SF3B6: variants seen among roughly 807,000 people sequenced by gnomAD.
SF3B6 encodes the protein SF3b 14 kDa subunit.
A neutral mutation model predicts 15.9 loss-of-function variants in SF3B6; 3 were observed. That is an observed-to-expected ratio of 0.19 (90% CI 0.09 to 0.49). The LOEUF is 0.49. Ranked by LOEUF, SF3B6 falls within the 20% of genes least tolerant of loss-of-function variation. SF3B6 has a pLI of 0.97. For missense variants in SF3B6, 71 were observed against 154.3 expected, an observed-to-expected ratio of 0.46 and a Z score of 2.86; for synonymous variants, 49 against 51.1, an observed-to-expected ratio of 0.96 and a Z score of 0.18.
intron 2 of SF3B6, among the ~76,000 whole-genome samples, chr2:24,072,662 T>C (rs912999657): frequency 6.6e-6 from 1 of 152,048 alleles, no homozygotes; most frequent in Admixed American, 6.5e-5. Context: ...TTCGTAAGAG[T>C]AGGCAAGCCA....
chr2:24,070,466 G>A (rs139884855), intron 2 of SF3B6, among the ~76,000 whole-genome samples: 4 of 152,262 alleles, frequency 2.6e-5, no homozygotes, highest in Non-Finnish European at 4.4e-5. Flanking sequence ...ACACCTAAGC[G>A]TGTAACTTAG....
At chr2:24,069,539 C>T (rs1664617274) in intron 2 of SF3B6, among the ~76,000 whole-genome samples, 3 of 152,182 alleles carry the variant, frequency 2.0e-5, no homozygotes, top group South Asian at 2.1e-4. Context: ...TGTGTTCCAA[C>T]CACCCAGTGC....
At position 24,067,855 on chromosome 2, in the gene SF3B6, G is replaced by A. The variant is rs2150976883; in HGVS notation, c.289-4C>T. The A allele has an allele frequency of 6.2e-7, 1 of 1,612,852 alleles. No homozygotes were observed. The highest frequency in any genetic ancestry group is 8.5e-7 in the Non-Finnish European group (1 of 1,179,454). On this transcript the variant is annotated splice_region_variant and splice_polypyrimidine_tract_variant and intron_variant, in intron 3 of 3. Transcript: ENST00000233468. ...TTGTGTCCATCTTCTGAAATGCCTG[G>A]AAATGTGGTAAGCACCAAAATTAAA...
At position 24,067,682 on chromosome 2, in the gene SF3B6, A is replaced by G. The variant is rs1664581396; in HGVS notation, c.*80T>C. On this transcript the variant is annotated 3_prime_UTR_variant, in exon 4 of 4. Transcript: ENST00000233468. ...TGAACCTCAAATAAGAAATCACAAT[A>G]TTTAGTATTAATTAAAAAGGAAAAA... is the stretch of plus-strand genomic sequence containing the variant. 8.9e-7 allele frequency: 1 copy of G among 1,127,400 alleles called. No individual in the cohort carries two copies. The highest frequency in any genetic ancestry group is 1.4e-5 in the South Asian group (1 of 73,978). 69.8% of individuals were successfully genotyped at this position (1,127,400 alleles called of 1,614,324 possible).
chr2:24,073,528 T>C (rs1171133914), intron 2 of SF3B6: 1 of 152,310 alleles, frequency 6.6e-6, no homozygotes, highest in East Asian at 1.9e-4. Flanking sequence ...AACCCCAATC[T>C]TTATATTAAA....
At chr2:24,068,266 T>A in intron 3 of SF3B6, 55 bp downstream of exon 3, 1 of 1,563,252 alleles carries the variant, frequency 6.4e-7, no homozygotes. Flanking sequence ...CCCGGCCAGT[T>A]CTACACTAAT....
At chr2:24,072,081 G>C (rs556495751) in intron 2 of SF3B6, among the ~76,000 whole-genome samples, 1 of 152,222 alleles carries the variant, frequency 6.6e-6, no homozygotes, top group African/African-American at 2.4e-5. Flanking sequence ...CAGCCTCCCA[G>C]GTTCAAGCGA....
chr2:24,074,042 T>C (rs750601422), intron 2 of SF3B6, 34 bp downstream of exon 2: 1 of 1,273,446 alleles, frequency 7.9e-7, no homozygotes. Context: ...CAGATTATGC[T>C]ATCATTTTCT....
intron 2 of SF3B6, among the ~76,000 whole-genome samples, chr2:24,070,529 G>A (rs368650910): frequency 1.1e-4 from 16 of 152,212 alleles, no homozygotes; most frequent in East Asian, 3.8e-4. Context: ...GCTCTATCAC[G>A]TGCCCTACCT....
rs1000389653 is a variant in SF3B6 at position 24,067,596 on chromosome 2, A to G, written c.*166T>C. On this transcript the variant is annotated 3_prime_UTR_variant, in exon 4 of 4. Transcript: ENST00000233468. ...GAAAAGACTGAGGTGTTTCACAAAAAGCTACAAGTTTATTAACATAATGTA... is the reference window on the plus strand; with the variant it reads ...GAAAAGACTGAGGTGTTTCACAAAAGGCTACAAGTTTATTAACATAATGTA... The G allele has an allele frequency of 3.5e-6, 2 of 567,290 alleles. No homozygotes were observed. Among genetic ancestry groups the G allele is most frequent in the Admixed American group, 6.9e-5 (2 of 28,834 alleles). 35.1% of individuals were successfully genotyped at this position (567,290 alleles called of 1,614,324 possible).
chr2:24,071,811 C>T (rs1330718056), intron 2 of SF3B6, among the ~76,000 whole-genome samples: 1 of 152,178 alleles, frequency 6.6e-6, no homozygotes, highest in African/African-American at 2.4e-5. Context: ...AGGTTCTGAG[C>T]TGCTCTGCAC....
At position 24,067,594 on chromosome 2, in the gene SF3B6, A is replaced by G. The variant is rs1188372993; in HGVS notation, c.*168T>C. On this transcript the variant is annotated 3_prime_UTR_variant, in exon 4 of 4. Transcript: ENST00000233468. The stretch of plus-strand genomic sequence containing the variant: ...GAGAAAAGACTGAGGTGTTTCACAA[A>G]AAGCTACAAGTTTATTAACATAATG... The G allele has an allele frequency of 7.1e-6, 4 of 566,418 alleles. No homozygotes were observed. The highest frequency in any genetic ancestry group is 3.9e-5 in the African/African-American group (2 of 51,808). The allele number at this position is 566,418 out of a possible 1,614,324, so 35.1% of individuals were successfully genotyped here. A position where few individuals can be genotyped will look rare whatever the true frequency, so the allele number is the denominator to read the frequency against.
At chr2:24,074,044 T>C in intron 2 of SF3B6, 32 bp downstream of exon 2, 2 of 1,293,018 alleles carry the variant, frequency 1.5e-6, no homozygotes, top group Non-Finnish European at 2.3e-6. Flanking sequence ...GATTATGCTA[T>C]CATTTTCTTT....
intron 2 of SF3B6, among the ~76,000 whole-genome samples, chr2:24,072,177 G>A (rs1664662816): frequency 6.6e-6 from 1 of 151,890 alleles, no homozygotes; most frequent in African/African-American, 2.4e-5. Flanking sequence ...TTTAGAGAGG[G>A]GGTTTCACCA....
intron 2 of SF3B6, chr2:24,073,648 T>A (rs554435101): frequency 6.5e-6 from 1 of 152,994 alleles, no homozygotes; most frequent in African/African-American, 2.4e-5. Context: ...TATACTCTTT[T>A]ACTTAGTTTA....
At chr2:24,069,738 G>C (rs375488077) in intron 2 of SF3B6, among the ~76,000 whole-genome samples, 1 of 152,154 alleles carries the variant, frequency 6.6e-6, no homozygotes, top group African/African-American at 2.4e-5. Context: ...ATAGGGTACT[G>C]GGGGTGATTG....
intron 3 of SF3B6, among the ~76,000 whole-genome samples, 161 bp from the exon 4 acceptor site, chr2:24,068,012 G>A (rs1218003046): frequency 6.6e-6 from 1 of 152,206 alleles, no homozygotes; most frequent in African/African-American, 2.4e-5. Context: ...GCCCAGGCTG[G>A]AGTGCAGTGG....
At chr2:24,075,351 TTCTTTC>T (rs749744469) in intron 1 of SF3B6, among the ~76,000 whole-genome samples, 447 of 124,862 alleles carry the variant, frequency 3.6e-3, no homozygotes, top group Non-Finnish European at 6.3e-3. Flanking sequence ...CTTTCTTTCT[TTCTTTC>T]TGTTTTTTTT....
chr2:24,074,540 T>G (rs1664702128), intron 1 of SF3B6, among the ~76,000 whole-genome samples: 1 of 151,506 alleles, frequency 6.6e-6, no homozygotes, highest in Non-Finnish European at 1.5e-5. Flanking sequence ...GGTGTAGGCC[T>G]TTGCAAACCT....
Sources: allele counts gnomAD v4.1 joint callset (sites outside exome capture counted in the v4.1 genomes callset), GRCh38; gene constraint gnomAD v4.1.1; transcripts MANE v1.5; gene names NCBI Gene and HGNC (gene_info 2026-07-23, HGNC 2026-07-21).